ABCC4: variants seen among roughly 807,000 people sequenced by gnomAD.
The protein encoded by ABCC4 is ATP binding cassette subfamily C member 4 (PEL blood group).
Under a neutral mutation model 168.5 loss-of-function variants are expected in ABCC4, and 102 were observed. The observed-to-expected ratio is 0.61, with a 90% CI of 0.52 to 0.71. ABCC4 has a LOEUF of 0.71. Ranked by LOEUF, ABCC4 falls within the 30% of genes least tolerant of loss-of-function variation. The pLI, the probability that ABCC4 is intolerant of heterozygous loss-of-function variation, is 0.00. For synonymous variants in ABCC4, 617 were observed against 590.7 expected, an observed-to-expected ratio of 1.04 and a Z score of -0.65; for missense variants, 1,402 against 1,605.8, an observed-to-expected ratio of 0.87 and a Z score of 2.17.
At chr13:95,259,375 C>A (rs1297793328) in intron 1 of ABCC4, among the ~76,000 whole-genome samples, 1 of 132,600 alleles carries the variant, frequency 7.5e-6, no homozygotes, top group Non-Finnish European at 1.6e-5. Flanking sequence ...AGTGAAACTC[C>A]GTCTCAAAAA....
chr13:95,279,392 A>T (rs1257047441), intron 1 of ABCC4, among the ~76,000 whole-genome samples: 2 of 152,218 alleles, frequency 1.3e-5, no homozygotes, highest in Admixed American at 6.5e-5. Context: ...CAATTTCTTC[A>T]GCTGGAGACA....
chr13:95,186,820 C>T lies in ABCC4; in HGVS notation c.1426G>A (p.Ala476Thr). Residue 476 changes from alanine (A) to threonine (T), a missense_variant, in exon 11 of 31, where the codon GCC becomes ACC. Transcript: ENST00000645237. Reference protein sequence around the residue: ...HGLVSVHGRIAYVSQQPWVFS... With the variant: ...HGLVSVHGRITYVSQQPWVFS... ...ACCCAGGGCTGCTGAGACACATAGG[C>T]AATTCTTCCATGCACGCTGACCAGC... 6.2e-7 allele frequency: 1 copy of T among 1,614,104 alleles called. No individual in the cohort carries two copies. The highest frequency in any genetic ancestry group is 8.5e-7 in the Non-Finnish European group (1 of 1,180,004).
chr13:95,234,503 G>T, intron 4 of ABCC4, 107 bp downstream of exon 4: 1 of 874,978 alleles, frequency 1.1e-6, no homozygotes, highest in Non-Finnish European at 1.8e-6. Context: ...TGTCACCCAG[G>T]CTGGAGTGCA....
chr13:95,131,584 G>A (rs755315196), intron 19 of ABCC4, among the ~76,000 whole-genome samples: 5 of 151,976 alleles, frequency 3.3e-5, no homozygotes, highest in Non-Finnish European at 4.4e-5. Flanking sequence ...AGCCGAGATC[G>A]CACCACTGCA....
intron 4 of ABCC4, among the ~76,000 whole-genome samples, chr13:95,213,058 CA>C (rs1166015293): frequency 1.3e-5 from 2 of 151,398 alleles, no homozygotes; most frequent in African/African-American, 4.9e-5. Context: ...ACCCAGGAGG[CA>C]GAGGCTGCAG....
intron 19 of ABCC4, among the ~76,000 whole-genome samples, chr13:95,157,924 T>A (rs1458119299): frequency 6.6e-6 from 1 of 151,494 alleles, no homozygotes; most frequent in Non-Finnish European, 1.5e-5. Context: ...TACAAAAAAT[T>A]AGCCGGGCGT....
intron 1 of ABCC4, among the ~76,000 whole-genome samples, chr13:95,279,813 G>A (rs952260230): frequency 3.3e-5 from 5 of 152,064 alleles, no homozygotes; most frequent in African/African-American, 7.2e-5. Context: ...AGTGGGGTTC[G>A]CCATGTTCAC....
intron 29 of ABCC4, among the ~76,000 whole-genome samples, chr13:95,041,593 C>G (rs1353373152): frequency 6.6e-6 from 1 of 152,180 alleles, no homozygotes; most frequent in East Asian, 1.9e-4. Flanking sequence ...GCAGCTGATT[C>G]ACTTGTCTCT....
chr13:95,189,293 C>A (rs1340392143), intron 9 of ABCC4, among the ~76,000 whole-genome samples: 1 of 151,026 alleles, frequency 6.6e-6, no homozygotes, highest in African/African-American at 2.4e-5. Context: ...GCCACTGCGC[C>A]CAGCTAATTT....
At chr13:95,060,597 A>T (rs564434800) in intron 26 of ABCC4, among the ~76,000 whole-genome samples, 13 of 152,356 alleles carry the variant, frequency 8.5e-5, no homozygotes, top group African/African-American at 2.9e-4. Context: ...AAACTTGAGA[A>T]TTTATACTCT....
chr13:95,249,971 A>G (rs2040212430), intron 1 of ABCC4, among the ~76,000 whole-genome samples: 1 of 152,218 alleles, frequency 6.6e-6, no homozygotes, highest in African/African-American at 2.4e-5. Context: ...TTAGAGGATG[A>G]CACAAATCAG....
At chr13:95,063,952 T>G (rs1393775185) in intron 25 of ABCC4, among the ~76,000 whole-genome samples, 2 of 152,200 alleles carry the variant, frequency 1.3e-5, no homozygotes, top group Non-Finnish European at 2.9e-5. Flanking sequence ...TTCAATCATT[T>G]GTCCATTATT....
rs11568659 is a variant in ABCC4, at chr13:95,115,998, C to A, written c.2459G>T (p.Arg820Ile). 13 of 1,611,234 alleles carry A rather than the reference C, an allele frequency of 8.1e-6. No homozygotes were observed. In the Admixed American group the frequency reaches 1.2e-4, roughly 15 times the overall value. The change falls in exon 20 of 31, where the codon AGA (arginine) becomes ATA (isoleucine). Residue 820 changes from arginine (R) to isoleucine (I), a missense_variant. Around this residue, in one of 3 missense-constraint regions of ABCC4, gnomAD observed 1,007 missense variants for 1,127.3 expected, o/e 0.89. Coordinates refer to ENST00000645237, the MANE Select transcript of ABCC4 (RefSeq NM_005845.5). ...VLFFDRNPIG[R>I]ILNRFSKDIG... ...GTCTTTGGAGAAACGATTTAAAATT[C>A]TTCCTGCAAGAACAGGATATGAAAA...
chr13:95,153,620 T>C (rs1373249814), intron 19 of ABCC4, among the ~76,000 whole-genome samples: 1 of 152,208 alleles, frequency 6.6e-6, no homozygotes, highest in Non-Finnish European at 1.5e-5. Flanking sequence ...AGCACATTCT[T>C]CCCTAGTTTT....
chr13:95,034,185 C>T (rs1220691012), intron 30 of ABCC4, among the ~76,000 whole-genome samples: 4 of 152,054 alleles, frequency 2.6e-5, no homozygotes, highest in African/African-American at 9.7e-5. Context: ...ACACTTTTTG[C>T]CCAAACTCTT....
intron 9 of ABCC4, 26 bp from the exon 10 acceptor site, chr13:95,188,568 G>A (rs759443135): frequency 1.3e-6 from 2 of 1,562,986 alleles, no homozygotes; most frequent in South Asian, 1.1e-5. Context: ...TATAAAATGT[G>A]CCCATTTCAA....
chr13:95,195,510 G>A (rs1419091871), intron 8 of ABCC4, among the ~76,000 whole-genome samples: 2 of 152,250 alleles, frequency 1.3e-5, no homozygotes, highest in African/African-American at 4.8e-5. Context: ...CCTCGTGCAC[G>A]TCAAATTGAC....
At chr13:95,063,119 A>C (rs939664575) in intron 25 of ABCC4, among the ~76,000 whole-genome samples, 1 of 152,168 alleles carries the variant, frequency 6.6e-6, no homozygotes, top group Non-Finnish European at 1.5e-5. Flanking sequence ...CACACTCCCA[A>C]AATGATACCA....
At chr13:95,218,301 A>T (rs2039180136) in intron 4 of ABCC4, among the ~76,000 whole-genome samples, 1 of 152,186 alleles carries the variant, frequency 6.6e-6, no homozygotes, top group African/African-American at 2.4e-5. Flanking sequence ...TAAAACCAAT[A>T]ATCTCTGTTT....
Sources: gnomAD v4.1 joint callset for allele counts (sites outside exome capture counted in the v4.1 genomes callset) on GRCh38, gnomAD v4.1.1 for gene constraint, gnomAD v4.1.1 regional missense constraint, MANE v1.5 for transcripts, NCBI Gene and HGNC (gene_info 2026-07-23, HGNC 2026-07-21) for gene names.